The following SLC25A45 variants were observed in gnomAD, a reference collection of about 807,000 sequenced individuals.
SLC25A45 encodes the protein methylated amino-acid transporter SLC25A45.
Under a neutral mutation model 23.0 loss-of-function variants are expected in SLC25A45, and 22 were observed. The ratio of observed to expected loss-of-function variants is 0.95; its 90% confidence interval spans 0.68 to 1.36. The LOEUF (loss-of-function observed/expected upper bound fraction) is 1.36, where lower values mean the gene tolerates loss of function less well. SLC25A45 is among the 40% of genes most tolerant of loss of function. SLC25A45 has a pLI of 0.00. For missense variants in SLC25A45, 355 were observed against 383.5 expected (o/e 0.93, Z 0.62); for synonymous variants, 136 against 155.0 (o/e 0.88, Z 0.91).
chr11:65,378,979 C>T (rs1855373308), intron 5 of SLC25A45: 1 of 231,384 alleles, frequency 4.3e-6, no homozygotes, highest in African/African-American at 2.4e-5. Context: ...AGGACCTCAT[C>T]AGGACCCGGC....
Position 65,376,540 on chromosome 11 carries a change from C to CT in SLC25A45, c.733_734insA (p.Cys245Ter). 1.2e-6 allele frequency: 2 copies of CT among 1,614,200 alleles called. No individual in the cohort carries two copies. Among genetic ancestry groups the CT allele is most frequent in the Non-Finnish European group, 1.7e-6 (2 of 1,180,036 alleles). The change falls in exon 7 of 7, where the codon TGC (cysteine) becomes TAGC (stop). Residue 245 changes from cysteine to a stop codon, truncating the protein, a stop_gained and frameshift_variant. Transcript: ENST00000398802. LOFTEE classifies it high-confidence loss of function. ...TTCCTGCCGGATGCTGCTCACCATG[C>CT]AGTCCAGCATCCCCTGGTACACTCT... ...RRRVYQGMLD[C>*]MVSSIRQEGL...
intron 5 of SLC25A45, chr11:65,377,489 C>G (rs960196411): frequency 2.0e-5 from 18 of 906,996 alleles, no homozygotes; most frequent in East Asian, 1.1e-4. Context: ...AGAAACCACC[C>G]TTTCCCAGGG....
At position 65,382,139 on chromosome 11, in the gene SLC25A45, C is replaced by A. The variant is rs983528864; in HGVS notation, c.-18-170G>T. 3 of 633,158 alleles carry A rather than the reference C, an allele frequency of 4.7e-6. No homozygotes were observed. The highest frequency in any genetic ancestry group is 8.6e-6 in the Non-Finnish European group (3 of 347,454). The allele number at this position is 633,158 out of a possible 1,614,324, so 39.2% of individuals were successfully genotyped here. ...AGCGAGCCAGTTCCGGTGACCCTGG[C>A]CACCTGGAGGAGTCGTGCAGAGTAC... On this transcript the variant is annotated intron_variant, in intron 1 of 6. Transcript: ENST00000398802. The surrounding 1 kb of genome is among the most constrained non-coding windows in gnomAD (Gnocchi z 4.4).
chr11:65,382,976 C>T (rs2137835166), upstream of SLC25A45: 1 of 152,480 alleles, frequency 6.6e-6, no homozygotes, highest in Admixed American at 6.5e-5. This position sits in a 1 kb window ranked among gnomAD's most constrained non-coding sequence, Gnocchi z 4.4. Flanking sequence ...ACTTGTCTGT[C>T]TGGACAGGGA....
Position 65,377,064 on chromosome 11 carries a change from C to T in SLC25A45, c.352G>A (p.Ala118Thr). 2 of 1,613,694 alleles carry T rather than the reference C, an allele frequency of 1.2e-6. No homozygotes were observed. The highest frequency in any genetic ancestry group is 1.7e-6 in the Non-Finnish European group (2 of 1,179,812). Reference sequence around the variant, plus strand: ...CGGACTTTGATGAGGTCAAAAGGAGCCAGACAGTAGGCCTGTTGGTGATGA... The same window carrying T: ...CGGACTTTGATGAGGTCAAAAGGAGTCAGACAGTAGGCCTGTTGGTGATGA... ...TGGFLQAYCL[A>T]PFDLIKVRLQ... The change falls in exon 6 of 7, where the codon GCT becomes ACT. Residue 118 changes from alanine to threonine, a missense_variant. Coordinates refer to ENST00000398802, the MANE Select transcript of SLC25A45 (RefSeq NM_182556.4).
chr11:65,382,332 C>A lies in SLC25A45; in HGVS notation c.-19+154G>T. On this transcript the variant is annotated intron_variant, in intron 1 of 6. Coordinates refer to ENST00000398802, the MANE Select transcript of SLC25A45 (RefSeq NM_182556.4). This position sits in a 1 kb window ranked among gnomAD's most constrained non-coding sequence, Gnocchi z 4.4. Reference sequence around the variant, plus strand: ...CCCTGCCTGCCCAGCCAGCCCAGCTCCACTCCCATTCATCTCCACCAAGGG... The same window carrying A: ...CCCTGCCTGCCCAGCCAGCCCAGCTACACTCCCATTCATCTCCACCAAGGG... 3.5e-6 allele frequency: 1 copy of A among 283,730 alleles called. No homozygotes were observed. 17.6% of individuals were successfully genotyped at this position (283,730 alleles called of 1,614,324 possible).
chr11:65,380,838 C>T (rs2137815416), intron 2 of SLC25A45: 2 of 322,228 alleles, frequency 6.2e-6, no homozygotes, highest in East Asian at 8.7e-5. Context: ...GCACAACAGG[C>T]CTCAGGGCCC....
upstream of SLC25A45, chr11:65,383,480 A>G (rs114203556): frequency 0.034 from 5,204 of 152,544 alleles, 340 homozygotes; most frequent in African/African-American, 0.12. Context: ...GATACAGGCC[A>G]GGCGCAGTGG....
intron 2 of SLC25A45, 149 bp from the exon 3 acceptor site, chr11:65,380,324 A>G: frequency 2.5e-6 from 3 of 1,191,434 alleles, no homozygotes; most frequent in South Asian, 2.8e-5. Context: ...CAAGCTCTAG[A>G]GACTCCAGCT....
chr11:65,381,821 G>C, intron 2 of SLC25A45, 94 bp downstream of exon 2: 1 of 1,525,380 alleles, frequency 6.6e-7, no homozygotes, highest in Non-Finnish European at 9.1e-7. Flanking sequence ...CCGGAACTCA[G>C]ACTTTGGTCT....
chr11:65,379,694 A>G, intron 4 of SLC25A45, 133 bp from the exon 5 acceptor site: 1 of 1,252,806 alleles, frequency 8.0e-7, no homozygotes, highest in Non-Finnish European at 1.1e-6. Context: ...ACAGGCAGGG[A>G]TGGGCTGAGG....
chr11:65,378,346 ACT>A (rs1565575340), intron 5 of SLC25A45: 3 of 152,006 alleles, frequency 2.0e-5, no homozygotes, highest in Non-Finnish European at 2.9e-5. Context: ...TTCCTTTAAG[ACT>A]CTGTTAAACT....
chr11:65,379,806 T>C, intron 4 of SLC25A45, 61 bp downstream of exon 4: 1 of 1,588,982 alleles, frequency 6.3e-7, no homozygotes, highest in Non-Finnish European at 8.6e-7. Flanking sequence ...GGGAAGCTGG[T>C]ACCAACAGCC....
chr11:65,380,544 G>T, intron 2 of SLC25A45: 1 of 1,352,970 alleles, frequency 7.4e-7, no homozygotes, highest in Non-Finnish European at 9.7e-7. Flanking sequence ...CTCTCCGAGA[G>T]CTTTACTCTT....
In SLC25A45 at chr11:65,382,415, G is replaced by A. The variant is rs1261350996; in HGVS notation, c.-19+71C>T. The A allele has an allele frequency of 5.2e-6, 1 of 194,082 alleles. No individual in the cohort carries two copies. The highest frequency in any genetic ancestry group is 1.1e-5 in the Non-Finnish European group (1 of 90,640). 12.0% of individuals were successfully genotyped at this position (194,082 alleles called of 1,614,324 possible). A position where few individuals can be genotyped will look rare whatever the true frequency, so the allele number is the denominator to read the frequency against. ...GGGTGCGGAGGTAGCGTGGCCACCA[G>A]GGGGTAGGCCCAGCCCGCATTTGCC... On this transcript the variant is annotated intron_variant, in intron 1 of 6. Transcript: ENST00000398802. This position sits in a 1 kb window ranked among gnomAD's most constrained non-coding sequence, Gnocchi z 4.4.
At chr11:65,380,268 G>A (rs1855479569) in intron 2 of SLC25A45, 93 bp from the exon 3 acceptor site, 5 of 1,584,798 alleles carry the variant, frequency 3.2e-6, no homozygotes, top group Non-Finnish European at 4.3e-6. Flanking sequence ...TCAGGCAGGA[G>A]GAAGGAGAGC....
intron 5 of SLC25A45, chr11:65,378,254 G>C (rs113620968): frequency 3.3e-5 from 5 of 152,254 alleles, no homozygotes; most frequent in Non-Finnish European, 7.3e-5. Context: ...GGTCAGCTTC[G>C]GCGAAGACCA....
chr11:65,380,682 T>G, intron 2 of SLC25A45: 1 of 1,083,386 alleles, frequency 9.2e-7, no homozygotes, highest in Non-Finnish European at 1.2e-6. Context: ...TCCCCTCCCC[T>G]CCACCTGCCC....
At chr11:65,381,785 TG>T in intron 2 of SLC25A45, 129 bp downstream of exon 2, 1 of 1,164,372 alleles carries the variant, frequency 8.6e-7, no homozygotes. Context: ...CTCAAACTCC[TG>T]GGCTCAAGTG....
Sources: allele counts gnomAD v4.1 joint callset, GRCh38; gene constraint gnomAD v4.1.1; non-coding constraint Gnocchi (gnomAD v3.1); transcripts MANE v1.5; gene names NCBI Gene and HGNC (gene_info 2026-07-23, HGNC 2026-07-21).